Variants in VEGFC observed in about 807,000 individuals in gnomAD.
VEGFC encodes FLT4 ligand DHM.
VEGFC carries 12 observed loss-of-function variants against 46.1 expected under a neutral mutation model. The observed-to-expected ratio is 0.26, with a 90% confidence interval of 0.17 to 0.42. The LOEUF is 0.42. Among genes scored for constraint, VEGFC ranks in the 10% least tolerant of loss-of-function variants. VEGFC has a pLI of 1.00. For missense variants in VEGFC, 488 were observed against 529.4 expected (o/e 0.92, Z 0.77); for synonymous variants, 232 against 195.5 (o/e 1.19, Z -1.56).
chr4:176,720,281 G>A (rs2111007958), intron 3 of VEGFC, among the ~76,000 whole-genome samples: 1 of 152,154 alleles, frequency 6.6e-6, no homozygotes, highest in East Asian at 1.9e-4. Flanking sequence ...TCAGAATGAT[G>A]CTTCCTCCCA....
At chr4:176,684,088 G>A in intron 6 of VEGFC, 48 bp from the exon 7 acceptor site, 1 of 1,300,962 alleles carries the variant, frequency 7.7e-7, no homozygotes, top group South Asian at 1.2e-5. Context: ...CAAGGCAATG[G>A]ATTCATCATG....
chr4:176,759,843 G>A (rs1395596199), intron 1 of VEGFC, among the ~76,000 whole-genome samples: 1 of 152,000 alleles, frequency 6.6e-6, no homozygotes, highest in Non-Finnish European at 1.5e-5. Context: ...TATCGCATTT[G>A]CCAGTGAAAT....
In VEGFC at chr4:176,729,587, T is replaced by C. The variant is rs991231989; in HGVS notation, c.307A>G (p.Thr103Ala). 2.5e-6 allele frequency: 4 copies of C among 1,613,858 alleles called. No individual in the cohort carries two copies. The highest frequency in any genetic ancestry group is 3.4e-6 in the Non-Finnish European group (4 of 1,179,926). The change falls in exon 2 of 7, where the codon ACA (threonine) becomes GCA (alanine). Residue 103 changes from threonine (T) to alanine (A), a missense_variant. Transcript: ENST00000618562. ...GCAGCAAATTTTATAGTCTCTTCTG[T>C]CCTTGAGTTGAGGTTGGCCTGTTCT... ...NREQANLNSR[T>A]EETIKFAAAH...
At chr4:176,726,405 A>G (rs931799750) in intron 3 of VEGFC, among the ~76,000 whole-genome samples, 7 of 49,638 alleles carry the variant, frequency 1.4e-4, no homozygotes, top group Non-Finnish European at 2.9e-4. Flanking sequence ...GCCCCAAAGC[A>G]TCACCTTTTA....
intron 4 of VEGFC, among the ~76,000 whole-genome samples, chr4:176,692,164 G>A (rs1332090397): frequency 4.0e-5 from 6 of 151,810 alleles, no homozygotes; most frequent in African/African-American, 1.5e-4. Context: ...GGAGGCCGAG[G>A]CGGGCGGATC....
intron 1 of VEGFC, among the ~76,000 whole-genome samples, chr4:176,731,314 C>T (rs1473330380): frequency 6.6e-6 from 1 of 151,920 alleles, no homozygotes; most frequent in African/African-American, 2.4e-5. Context: ...AAGGTTACTA[C>T]TGAAGGGAAA....
rs1553997832 is a variant in VEGFC, at chr4:176,780,392, A to AAAAAAAACAAAAC, written c.147+11772_147+11773insGTTTTGTTTTTTT. 3.5e-4 allele frequency among the ~76,000 whole-genome samples: 52 copies of AAAAAAAACAAAAC among 146,560 alleles called. 1 individual carries two copies. Among genetic ancestry groups the AAAAAAAACAAAAC allele is most frequent in the African/African-American group, 1.2e-3 (49 of 40,058 alleles). On this transcript the variant is annotated intron_variant, in intron 1 of 6. Coordinates refer to ENST00000618562, the MANE Select transcript of VEGFC (RefSeq NM_005429.5). ...GCGAGACTCCATCTCAAAAAAAAAA[A>AAAAAAAACAAAAC]AAAAAAACTCCTTCTAACCCATTCA...
chr4:176,722,152 T>G (rs1734798331), intron 3 of VEGFC, among the ~76,000 whole-genome samples: 1 of 150,190 alleles, frequency 6.7e-6, no homozygotes, highest in East Asian at 2.0e-4. Flanking sequence ...GAAAAAAAAA[T>G]CAACCAATAA....
At chr4:176,713,367 T>C (rs1435087211) in intron 3 of VEGFC, among the ~76,000 whole-genome samples, 2 of 152,142 alleles carry the variant, frequency 1.3e-5, no homozygotes, top group East Asian at 3.9e-4. Flanking sequence ...AGTGTCTTCA[T>C]AAGCTACAAT....
chr4:176,753,711 A>C (rs990200132), intron 1 of VEGFC, among the ~76,000 whole-genome samples: 2 of 152,114 alleles, frequency 1.3e-5, no homozygotes, highest in Non-Finnish European at 2.9e-5. Context: ...ATTAAAATGC[A>C]TAAGACAATA....
intron 1 of VEGFC, among the ~76,000 whole-genome samples, chr4:176,751,019 G>T (rs961066976): frequency 2.0e-5 from 3 of 151,204 alleles, no homozygotes; most frequent in African/African-American, 4.8e-5. Context: ...AAAGAGAAAT[G>T]GATACATTTA....
At chr4:176,714,101 G>C (rs1734660450) in intron 3 of VEGFC, among the ~76,000 whole-genome samples, 1 of 152,178 alleles carries the variant, frequency 6.6e-6, no homozygotes, top group African/African-American at 2.4e-5. Flanking sequence ...TTTGTAATCT[G>C]ATATGGTTTG....
At chr4:176,781,002 C>A (rs1417754466) in intron 1 of VEGFC, among the ~76,000 whole-genome samples, 1 of 152,112 alleles carries the variant, frequency 6.6e-6, no homozygotes, top group African/African-American at 2.4e-5. Context: ...CAGAATTGGT[C>A]TCTAACAGAG....
rs1734617593 is a variant in VEGFC at position 176,711,446 on chromosome 4, ATAATT to A, written c.704+48_704+52del. ...TTGTTTAACTTATGTTTACTTGAAA[ATAATT>A]TAATATTAGTAGAGGATGCAGAAAA... On this transcript the variant is annotated intron_variant, in intron 4 of 6. Coordinates refer to ENST00000618562, the MANE Select transcript of VEGFC (RefSeq NM_005429.5). 20 of 1,534,848 alleles carry A rather than the reference ATAATT, an allele frequency of 1.3e-5. No individual in the cohort carries two copies. The East Asian group carries it at 3.9e-4, about 30-fold the overall frequency.
At chr4:176,787,916 A>T (rs1430357536) in intron 1 of VEGFC, among the ~76,000 whole-genome samples, 1 of 152,250 alleles carries the variant, frequency 6.6e-6, no homozygotes, top group African/African-American at 2.4e-5. Flanking sequence ...TCCACAATTT[A>T]TACAAATCTG....
chr4:176,687,382 C>G lies in VEGFC; in HGVS notation c.950G>C (p.Cys317Ser). ...GGGGAAGAGTTTGTTTTTACAGACACACTGGCATGAGTTTCTGTCTAGTTC... is the reference window on the plus strand; with the variant it reads ...GGGGAAGAGTTTGTTTTTACAGACAGACTGGCATGAGTTTCTGTCTAGTTC... Reference protein sequence around the residue: ...HKELDRNSCQCVCKNKLFPSQ... With the variant: ...HKELDRNSCQSVCKNKLFPSQ... Residue 317 changes from cysteine (C) to serine (S), a missense_variant, in exon 6 of 7, where the codon TGT becomes TCT. Physicochemically the swap from Cys to Ser is moderately radical, Grantham distance 112. Coordinates refer to ENST00000618562, the MANE Select transcript of VEGFC (RefSeq NM_005429.5). 1 of 1,614,164 alleles carries G rather than the reference C, an allele frequency of 6.2e-7. No homozygotes were observed.
chr4:176,727,502 C>T (rs1396098494), intron 3 of VEGFC, among the ~76,000 whole-genome samples: 3 of 152,150 alleles, frequency 2.0e-5, no homozygotes, highest in Middle Eastern at 3.2e-3. Context: ...CATGTACACA[C>T]ATACATACGT....
chr4:176,706,400 G>A (rs1015933234), intron 4 of VEGFC, among the ~76,000 whole-genome samples: 1 of 151,868 alleles, frequency 6.6e-6, no homozygotes, highest in Non-Finnish European at 1.5e-5. Flanking sequence ...AGGCCGAGGC[G>A]GGTAGATCAC....
chr4:176,782,483 T>G (rs879834770), intron 1 of VEGFC, among the ~76,000 whole-genome samples: 1 of 137,404 alleles, frequency 7.3e-6, no homozygotes, highest in Non-Finnish European at 1.5e-5. Flanking sequence ...AAAAAAAAAT[T>G]TTTAAATAAA....
Sources: gnomAD v4.1 joint callset for allele counts (sites outside exome capture counted in the v4.1 genomes callset) on GRCh38, gnomAD v4.1.1 for gene constraint, MANE v1.5 for transcripts, NCBI Gene and HGNC (gene_info 2026-07-23, HGNC 2026-07-21) for gene names.